TMEM87B: variants seen among roughly 807,000 people sequenced by gnomAD.
TMEM87B encodes the protein transmembrane protein 87B.
In TMEM87B, 83 loss-of-function variants were observed where a neutral mutation model predicts 80.3. That is an observed-to-expected ratio of 1.03 (90% confidence interval 0.87 to 1.24). The LOEUF is 1.24. Among genes scored for constraint, TMEM87B ranks in the 50% most tolerant of loss-of-function variants. The pLI is 0.00. For missense variants in TMEM87B, 625 were observed against 674.4 expected, an observed-to-expected ratio of 0.93 and a Z score of 0.81; for synonymous variants, 219 against 230.5, an observed-to-expected ratio of 0.95 and a Z score of 0.45.
At chr2:112,098,943 A>G (rs1417807792) in intron 14 of TMEM87B, among the ~76,000 whole-genome samples, 1 of 152,214 alleles carries the variant, frequency 6.6e-6, no homozygotes, top group Non-Finnish European at 1.5e-5. Flanking sequence ...ACCTTGAGGA[A>G]AGGAATAGGA....
chr2:112,074,047 A>G (rs1464963069), intron 4 of TMEM87B, among the ~76,000 whole-genome samples: 1 of 152,190 alleles, frequency 6.6e-6, no homozygotes, highest in African/African-American at 2.4e-5. Flanking sequence ...TTATTTATCC[A>G]GCTTGACATT....
intron 8 of TMEM87B, among the ~76,000 whole-genome samples, chr2:112,081,801 C>T (rs1482579030): frequency 6.6e-6 from 1 of 152,178 alleles, no homozygotes; most frequent in South Asian, 2.1e-4. Flanking sequence ...ATTAAAACAG[C>T]ACAAAGTTCG....
chr2:112,074,876 G>T lies in TMEM87B; in HGVS notation c.451-36G>T, dbSNP rs375185946. The T allele has an allele frequency of 6.6e-6, 10 of 1,503,968 alleles. No individual in the cohort carries two copies. The African/African-American group carries it at 1.0e-4, about 15-fold the overall frequency. The allele number at this position is 1,503,968 out of a possible 1,614,324, so 93.2% of individuals were successfully genotyped here. ...AACAATTTTTCTCCGTAGAAATGCA[G>T]CAGTATAAAATGGCATTATTTACTC... is the stretch of plus-strand genomic sequence containing the variant. On this transcript the variant is annotated intron_variant, in intron 4 of 18. Transcript: ENST00000283206.
chr2:112,067,476 G>A (rs1206142945), intron 4 of TMEM87B, among the ~76,000 whole-genome samples: 4 of 152,186 alleles, frequency 2.6e-5, no homozygotes, highest in East Asian at 1.9e-4. Flanking sequence ...GCATGTGCCC[G>A]TAGTCCCAGC....
intron 9 of TMEM87B, among the ~76,000 whole-genome samples, chr2:112,088,154 C>T (rs1237849610): frequency 1.3e-5 from 2 of 152,144 alleles, no homozygotes; most frequent in African/African-American, 4.8e-5. Context: ...AGCCTTTATC[C>T]CCCTGGACTT....
rs1193942911 is a variant in TMEM87B at position 112,117,114 on chromosome 2, C to T, written c.*971C>T. On this transcript the variant is annotated 3_prime_UTR_variant, in exon 19 of 19. Transcript: ENST00000283206. ...TTCAACCATGTTTTATACCTTATTT[C>T]GTTACATCATATATTTGTAATGTGT... The T allele has an allele frequency of 6.6e-6, 1 of 152,078 alleles. No individual in the cohort carries two copies. The highest frequency in any genetic ancestry group is 2.4e-5 in the African/African-American group (1 of 41,398). 9.4% of individuals were successfully genotyped at this position (152,078 alleles called of 1,614,324 possible). A position where few individuals can be genotyped will look rare whatever the true frequency, so the allele number is the denominator to read the frequency against.
At chr2:112,066,262 C>T (rs1451095952) in intron 3 of TMEM87B, among the ~76,000 whole-genome samples, 2 of 152,228 alleles carry the variant, frequency 1.3e-5, no homozygotes, top group Non-Finnish European at 1.5e-5. Context: ...AGGATGCACT[C>T]TCTCTACTCC....
chr2:112,111,914 G>A (rs780533749), intron 17 of TMEM87B, among the ~76,000 whole-genome samples: 42 of 152,224 alleles, frequency 2.8e-4, no homozygotes, highest in Admixed American at 2.6e-4. Flanking sequence ...AGCAGGGACC[G>A]TTGTTGATAT....
intron 9 of TMEM87B, 143 bp from the exon 10 acceptor site, chr2:112,089,478 AAAAC>A: frequency 1.5e-6 from 1 of 676,530 alleles, no homozygotes; most frequent in Non-Finnish European, 2.5e-6. Context: ...CCTGTTTCCT[AAAAC>A]AAAGTACCTC....
intron 14 of TMEM87B, 108 bp downstream of exon 14, chr2:112,098,806 T>C: frequency 3.9e-6 from 4 of 1,035,994 alleles, no homozygotes; most frequent in Non-Finnish European, 5.8e-6. Context: ...TTTTAAGGAG[T>C]ATACAGTCAA....
intron 4 of TMEM87B, among the ~76,000 whole-genome samples, chr2:112,070,081 CA>C (rs1399750539): frequency 1.3e-5 from 2 of 151,962 alleles, no homozygotes; most frequent in Non-Finnish European, 2.9e-5. Context: ...AGACCTTTGT[CA>C]GATGCATAGC....
At chr2:112,095,434 G>C in intron 11 of TMEM87B, 2 of 983,394 alleles carry the variant, frequency 2.0e-6, no homozygotes, top group Non-Finnish European at 2.4e-6. Flanking sequence ...GTAAGTGGAG[G>C]CTTAGGCAAT....
At chr2:112,079,311 C>T (rs72829643) in intron 6 of TMEM87B, among the ~76,000 whole-genome samples, 3,665 of 152,242 alleles carry the variant, frequency 0.024, 66 homozygotes, top group African/African-American at 0.054. Context: ...ATTCTGCTCT[C>T]GTATTAGGAG....
intron 8 of TMEM87B, 106 bp from the exon 9 acceptor site, chr2:112,085,899 G>C: frequency 1.2e-6 from 1 of 819,062 alleles, no homozygotes; most frequent in Non-Finnish European, 1.9e-6. Flanking sequence ...TGGCTGATTG[G>C]TCTGAAGTTC....
intron 18 of TMEM87B, among the ~76,000 whole-genome samples, chr2:112,113,471 G>A (rs1015393080): frequency 1.3e-5 from 2 of 152,202 alleles, no homozygotes; most frequent in Non-Finnish European, 2.9e-5. Flanking sequence ...GTTGTAACTT[G>A]TATGGTGGCT....
chr2:112,108,934 T>A (rs1679840685), intron 17 of TMEM87B, among the ~76,000 whole-genome samples: 1 of 152,228 alleles, frequency 6.6e-6, no homozygotes, highest in South Asian at 2.1e-4. Flanking sequence ...ATCAGCAATA[T>A]ATGAGGGTTC....
chr2:112,104,840 A>G (rs1391913915), intron 15 of TMEM87B, among the ~76,000 whole-genome samples: 87 of 152,216 alleles, frequency 5.7e-4, no homozygotes, highest in Non-Finnish European at 3.1e-4. Context: ...AAAGATAAAT[A>G]AATTGCCATA....
intron 15 of TMEM87B, 76 bp from the exon 16 acceptor site, chr2:112,105,922 TTTTC>T: frequency 9.7e-7 from 1 of 1,032,156 alleles, no homozygotes; most frequent in Non-Finnish European, 1.4e-6. Flanking sequence ...ATATAGTATT[TTTTC>T]TTATCAGATT....
At chr2:112,059,710 G>A (rs1412299857) in intron 1 of TMEM87B, among the ~76,000 whole-genome samples, 5 of 152,182 alleles carry the variant, frequency 3.3e-5, no homozygotes, top group African/African-American at 7.2e-5. Context: ...CACTAATCCT[G>A]CAATGGCAGC....
Sources: gnomAD v4.1 joint callset for allele counts (sites outside exome capture counted in the v4.1 genomes callset) on GRCh38, gnomAD v4.1.1 for gene constraint, MANE v1.5 for transcripts, NCBI Gene and HGNC (gene_info 2026-07-23, HGNC 2026-07-21) for gene names.